The following PPP4C variants were observed in gnomAD, a reference collection of about 807,000 sequenced individuals.
The protein encoded by PPP4C is protein phosphatase 4 catalytic subunit.
A neutral mutation model predicts 40.5 loss-of-function variants in PPP4C; 10 were observed. The ratio of observed to expected loss-of-function variants is 0.25; its 90% CI spans 0.15 to 0.42. PPP4C has a LOEUF of 0.42. PPP4C is among the 10% of genes least tolerant of loss of function. The probability of loss-of-function intolerance (pLI) is 1.00; values close to 1 mark genes in which losing one functional copy is unlikely to be tolerated. For missense variants in PPP4C, 191 were observed against 416.4 expected, an observed-to-expected ratio of 0.46 and a Z score of 4.71; for synonymous variants, 187 against 163.6, an observed-to-expected ratio of 1.14 and a Z score of -1.09.
At chr16:30,077,754 G>A (rs1162300352) in intron 2 of PPP4C, among the ~76,000 whole-genome samples, 1 of 152,226 alleles carries the variant, frequency 6.6e-6, no homozygotes, top group Non-Finnish European at 1.5e-5. Flanking sequence ...CTATGAGGTT[G>A]GAATCATTTG....
chr16:30,082,949 G>A, intron 5 of PPP4C, 102 bp downstream of exon 5: 2 of 1,027,502 alleles, frequency 1.9e-6, no homozygotes, highest in East Asian at 2.4e-5. Context: ...GCCCCACCTT[G>A]GAGCTGTGTC....
At position 30,076,370 on chromosome 16, in the gene PPP4C, G is replaced by T. The variant is rs1567331305; in HGVS notation, c.-8G>T. 2 of 1,612,438 alleles carry T rather than the reference G, an allele frequency of 1.2e-6. No homozygotes were observed. Among genetic ancestry groups the T allele is most frequent in the Admixed American group, 1.7e-5 (1 of 59,980 alleles). Reference sequence around the variant, plus strand: ...GGCCCCGACTCTGACCCGCGCCGGGGGTGGGCCATGGCGGAGATCAGCGAC... The same window carrying T: ...GGCCCCGACTCTGACCCGCGCCGGGTGTGGGCCATGGCGGAGATCAGCGAC... On this transcript the variant is annotated 5_prime_UTR_variant, in exon 2 of 9. Transcript: ENST00000279387.
Position 30,084,871 on chromosome 16 carries a change from C to T in PPP4C, c.794+16C>T, listed in dbSNP as rs200680422. ...ACTGCTACCGGTGAGCCGGCTGGGC[C>T]GGGCTGGGATGGGCGGGCATCTGAG... On this transcript the variant is annotated intron_variant, in intron 8 of 8. Coordinates refer to ENST00000279387, the MANE Select transcript of PPP4C (RefSeq NM_002720.3). The T allele has an allele frequency of 6.8e-5, 109 of 1,613,878 alleles. 1 individual carries two copies. Among genetic ancestry groups the T allele is most frequent in the Admixed American group, 4.8e-4 (29 of 60,024 alleles).
intron 2 of PPP4C, among the ~76,000 whole-genome samples, chr16:30,078,203 A>G (rs1274307505): frequency 6.6e-6 from 1 of 152,206 alleles, no homozygotes; most frequent in Non-Finnish European, 1.5e-5. Context: ...TCGTATATTC[A>G]GTCTCCATGG....
Position 30,085,117 on chromosome 16 carries a change from C to G in PPP4C, c.*55C>G. ...TTCTGGCCCTCGCACCACTGTGACT[C>G]TGCCATCTTCCTCAGACGGAGGCTG... On this transcript the variant is annotated 3_prime_UTR_variant, in exon 9 of 9. Coordinates refer to ENST00000279387, the MANE Select transcript of PPP4C (RefSeq NM_002720.3). 1.3e-6 allele frequency: 2 copies of G among 1,590,520 alleles called. No homozygotes were observed. Among genetic ancestry groups the G allele is most frequent in the South Asian group, 1.1e-5 (1 of 89,068 alleles).
At position 30,083,590 on chromosome 16, in the gene PPP4C, G is replaced by T; in HGVS notation, c.477+23G>T. ...AAGGTAAGCCAGCCCAGGGCTCCAT[G>T]GGACAGGGAGAGGAGGGGGGCTTCA... is the stretch of plus-strand genomic sequence containing the variant. On this transcript the variant is annotated intron_variant, in intron 6 of 8. Coordinates refer to ENST00000279387, the MANE Select transcript of PPP4C (RefSeq NM_002720.3). This position sits in a 1 kb window ranked among gnomAD's most constrained non-coding sequence, Gnocchi z 6.3. 1 of 1,613,754 alleles carries T rather than the reference G, an allele frequency of 6.2e-7. No homozygotes were observed. Among genetic ancestry groups the T allele is most frequent in the Non-Finnish European group, 8.5e-7 (1 of 1,179,746 alleles).
chr16:30,081,403 A>G, intron 3 of PPP4C, 93 bp downstream of exon 3: 1 of 1,052,298 alleles, frequency 9.5e-7, no homozygotes, highest in Admixed American at 1.9e-5. Context: ...CCCAACCCTA[A>G]GCTCTTTTAT....
Position 30,081,086 on chromosome 16 carries a change from G to C in PPP4C, c.99-173G>C, listed in dbSNP as rs573608333. The C allele has an allele frequency of 4.5e-5, 35 of 784,516 alleles. No individual in the cohort carries two copies. The African/African-American group carries it at 4.6e-4, about 10-fold the overall frequency. 48.6% of individuals were successfully genotyped at this position (784,516 alleles called of 1,614,324 possible). ...CTTTTGGCAGCAGGGGGCCACGGAA[G>C]GGTGTTGCATGCTGAAGGGCCGTGG... On this transcript the variant is annotated intron_variant, in intron 2 of 8. Coordinates refer to ENST00000279387, the MANE Select transcript of PPP4C (RefSeq NM_002720.3).
At position 30,083,468 on chromosome 16, in the gene PPP4C, C is replaced by T; in HGVS notation, c.378C>T (p.Phe126=). 6.2e-7 allele frequency: 1 copy of T among 1,614,208 alleles called. No individual in the cohort carries two copies. Among genetic ancestry groups the T allele is most frequent in the Non-Finnish European group, 8.5e-7 (1 of 1,180,044 alleles). ...GCCAGATCACGCAGGTCTATGGCTT[C>T]TACGATGAGTGCCTGCGCAAGTACG... The part of the protein sequence containing the change: ...ESRQITQVYG[F]YDECLRKYGS... The change falls in exon 6 of 9, where the codon TTC becomes TTT. Residue 126 remains phenylalanine (F), a synonymous_variant. Transcript: ENST00000279387. The surrounding 1 kb of genome is among the most constrained non-coding windows in gnomAD (Gnocchi z 6.3).
At chr16:30,082,692 G>GGTA in intron 4 of PPP4C, 54 bp from the exon 5 acceptor site, 1 of 1,558,360 alleles carries the variant, frequency 6.4e-7, no homozygotes, top group South Asian at 1.1e-5. Flanking sequence ...GACAGAAACA[G>GGTA]GTAGGGGGTA....
In PPP4C at chr16:30,083,565, A is replaced by C; in HGVS notation, c.475A>C (p.Lys159Gln). The change falls in exon 6 of 9, where the codon AAG becomes CAG. Residue 159 changes from lysine (K) to glutamine (Q), a missense_variant and splice_region_variant. Physicochemically the swap from Lys to Gln is moderately conservative, Grantham distance 53 (BLOSUM62 1). Coordinates refer to ENST00000279387, the MANE Select transcript of PPP4C (RefSeq NM_002720.3). This position sits in a 1 kb window ranked among gnomAD's most constrained non-coding sequence, Gnocchi z 6.3. The part of the protein sequence containing the change: ...YLSLSAIIDG[K>Q]IFCVHGGLSP... ...CAGCCTGTCAGCCATCATCGATGGC[A>C]AGGTAAGCCAGCCCAGGGCTCCATG... is the stretch of plus-strand genomic sequence containing the variant. 6.2e-7 allele frequency: 1 copy of C among 1,614,052 alleles called. No individual in the cohort carries two copies. The highest frequency in any genetic ancestry group is 8.5e-7 in the Non-Finnish European group (1 of 1,179,964).
intron 5 of PPP4C, 122 bp downstream of exon 5, chr16:30,082,969 G>A: frequency 2.3e-6 from 2 of 852,666 alleles, no homozygotes; most frequent in Non-Finnish European, 3.6e-6. Context: ...CACTGGTGAT[G>A]GACCGATTCT....
chr16:30,082,462 C>A, intron 3 of PPP4C, 22 bp from the exon 4 acceptor site: 1 of 1,611,528 alleles, frequency 6.2e-7, no homozygotes, highest in Non-Finnish European at 8.5e-7. Context: ...TGAGTTCCAA[C>A]CCCACTCTTC....
Position 30,085,191 on chromosome 16 carries a change from C to A in PPP4C, c.*129C>A. 1 of 1,246,152 alleles carries A rather than the reference C, an allele frequency of 8.0e-7. No homozygotes were observed. Among genetic ancestry groups the A allele is most frequent in the Non-Finnish European group, 1.1e-6 (1 of 892,956 alleles). 77.2% of individuals were successfully genotyped at this position (1,246,152 alleles called of 1,614,324 possible). A position where few individuals can be genotyped will look rare whatever the true frequency, so the allele number is the denominator to read the frequency against. ...TCTGCTGTCCCCCAAGAGGGTGCTT[C>A]GAGGGTGAGGACTTCTCTGGAGAGG... On this transcript the variant is annotated 3_prime_UTR_variant, in exon 9 of 9. Coordinates refer to ENST00000279387, the MANE Select transcript of PPP4C (RefSeq NM_002720.3).
In PPP4C at chr16:30,082,753, G is replaced by A; in HGVS notation, c.209G>A (p.Gly70Asp). ...CTTTCTACTTCCCCACAGGTAGGTG[G>A]CGACGTCCCTGAGACCAACTACCTC... ...YDLKELFRVGGDVPETNYLFM... is the reference protein window; with the variant it reads ...YDLKELFRVGDDVPETNYLFM... Residue 70 changes from glycine (G) to aspartate (D), a missense_variant, in exon 5 of 9, where the codon GGC becomes GAC. Coordinates refer to ENST00000279387, the MANE Select transcript of PPP4C (RefSeq NM_002720.3). 6.2e-7 allele frequency: 1 copy of A among 1,613,850 alleles called. No individual in the cohort carries two copies. The highest frequency in any genetic ancestry group is 2.2e-5 in the East Asian group (1 of 44,878).
In PPP4C at chr16:30,084,868, G is replaced by C. The variant is rs766860688; in HGVS notation, c.794+13G>C. On this transcript the variant is annotated intron_variant, in intron 8 of 8. Transcript: ENST00000279387. Reference sequence around the variant, plus strand: ...ACTACTGCTACCGGTGAGCCGGCTGGGCCGGGCTGGGATGGGCGGGCATCT... The same window carrying C: ...ACTACTGCTACCGGTGAGCCGGCTGCGCCGGGCTGGGATGGGCGGGCATCT... 6.2e-7 allele frequency: 1 copy of C among 1,613,974 alleles called. No individual in the cohort carries two copies. The highest frequency in any genetic ancestry group is 8.5e-7 in the Non-Finnish European group (1 of 1,179,826).
intron 2 of PPP4C, among the ~76,000 whole-genome samples, chr16:30,079,862 C>T (rs1466992112): frequency 6.6e-6 from 1 of 152,170 alleles, no homozygotes; most frequent in Non-Finnish European, 1.5e-5. Context: ...TTCCCTGGTT[C>T]ATATCCCACC....
chr16:30,078,353 C>T (rs1596828890), intron 2 of PPP4C, among the ~76,000 whole-genome samples: 2 of 152,134 alleles, frequency 1.3e-5, no homozygotes, highest in South Asian at 4.1e-4. Flanking sequence ...AGTTTTGCAT[C>T]CAGGTCTTTG....
At chr16:30,080,755 C>G (rs1381867361) in intron 2 of PPP4C, among the ~76,000 whole-genome samples, 3 of 152,108 alleles carry the variant, frequency 2.0e-5, no homozygotes, top group African/African-American at 7.2e-5. Context: ...TCTGCCCACC[C>G]TGGCATCCCA....
Sources: gnomAD v4.1 joint callset for allele counts (sites outside exome capture counted in the v4.1 genomes callset) on GRCh38, gnomAD v4.1.1 for gene constraint, Gnocchi (gnomAD v3.1) non-coding constraint, MANE v1.5 for transcripts, NCBI Gene and HGNC (gene_info 2026-07-23, HGNC 2026-07-21) for gene names.